The following ANKRD30BL variants were observed in gnomAD, a reference collection of about 807,000 sequenced individuals.
ANKRD30BL encodes ankyrin repeat domain 30B like, also known as putative ankyrin repeat domain-containing protein 30B-like.
In ANKRD30BL, 20 loss-of-function variants were observed where a neutral mutation model predicts 18.4. The ratio of observed to expected loss-of-function variants is 1.09; its 90% CI spans 0.77 to 1.58. The LOEUF (loss-of-function observed/expected upper bound fraction) is 1.58, where lower values mean the gene tolerates loss of function less well. Among genes scored for constraint, ANKRD30BL ranks in the 40% most tolerant of loss-of-function variants. The pLI, the probability that ANKRD30BL is intolerant of heterozygous loss-of-function variation, is 0.00. For missense variants in ANKRD30BL, 224 were observed against 268.6 expected, an observed-to-expected ratio of 0.83 and a Z score of 1.16; for synonymous variants, 72 against 100.9, an observed-to-expected ratio of 0.71 and a Z score of 1.72.
intron 1 of ANKRD30BL, among the ~76,000 whole-genome samples, chr2:132,224,778 A>C (rs1447153356): frequency 1.3e-5 from 2 of 152,080 alleles, no homozygotes; most frequent in Non-Finnish European, 2.9e-5. Flanking sequence ...GGATATTTTG[A>C]CCGCTTTGAG....
upstream of ANKRD30BL, among the ~76,000 whole-genome samples, chr2:132,163,948 TATAA>T (rs1688140241): frequency 6.6e-6 from 1 of 152,264 alleles, no homozygotes; most frequent in South Asian, 2.1e-4. Context: ...TACACATAAC[TATAA>T]ATATTTCTAA....
chr2:132,164,649 G>A (rs1325554252), upstream of ANKRD30BL, among the ~76,000 whole-genome samples: 4 of 152,064 alleles, frequency 2.6e-5, no homozygotes, highest in Admixed American at 2.6e-4. Context: ...GAGTGAAGTG[G>A]CTTTATACAT....
chr2:132,190,766 C>A (rs7602567), intron 1 of ANKRD30BL, among the ~76,000 whole-genome samples: 1 of 152,014 alleles, frequency 6.6e-6, no homozygotes, highest in Admixed American at 6.6e-5. Context: ...TTTTATGCAG[C>A]GAATTATGAT....
At chr2:132,215,344 G>A (rs193168017) in intron 1 of ANKRD30BL, among the ~76,000 whole-genome samples, 40 of 152,206 alleles carry the variant, frequency 2.6e-4, no homozygotes, top group Non-Finnish European at 5.1e-4. Flanking sequence ...AGGTGGAAAA[G>A]GATATATCTT....
chr2:132,150,492 T>C (rs1687730019), intron 5 of ANKRD30BL, among the ~76,000 whole-genome samples: 1 of 151,286 alleles, frequency 6.6e-6, no homozygotes, highest in African/African-American at 2.4e-5. Context: ...TATTAATTCA[T>C]TAAATTGGAT....
chr2:132,167,275 T>TTTTTATTTTA (rs71001175), intron 1 of ANKRD30BL, among the ~76,000 whole-genome samples: 4,934 of 111,156 alleles, frequency 0.044, 258 homozygotes, highest in Admixed American at 0.097. Flanking sequence ...CATTCATTTA[T>TTTTTATTTTA]TTTTATTTTA....
chr2:132,166,957 A>G (rs1688197615), intron 1 of ANKRD30BL, among the ~76,000 whole-genome samples: 1 of 151,812 alleles, frequency 6.6e-6, no homozygotes, highest in African/African-American at 2.4e-5. Flanking sequence ...GTTCTACTGT[A>G]TCTCATATAT....
chr2:132,198,622 C>G (rs1271825360), intron 1 of ANKRD30BL, among the ~76,000 whole-genome samples: 1 of 138,138 alleles, frequency 7.2e-6, no homozygotes, highest in Non-Finnish European at 1.6e-5. Flanking sequence ...AGCGCCCAGC[C>G]TTTTTTTTTT....
chr2:132,237,909 G>T (rs1680205882), intron 1 of ANKRD30BL, among the ~76,000 whole-genome samples: 1 of 151,750 alleles, frequency 6.6e-6, no homozygotes, highest in African/African-American at 2.4e-5. Flanking sequence ...TGCAGAGTCT[G>T]CAAGAAGATA....
intron 1 of ANKRD30BL, among the ~76,000 whole-genome samples, chr2:132,224,197 C>G (rs1679778418): frequency 1.3e-5 from 2 of 152,032 alleles, no homozygotes; most frequent in South Asian, 2.1e-4. Context: ...ATTCAACTCA[C>G]AGAGATGAAC....
At chr2:132,235,585 A>T (rs912251859) in intron 1 of ANKRD30BL, among the ~76,000 whole-genome samples, 1 of 152,156 alleles carries the variant, frequency 6.6e-6, no homozygotes, top group Middle Eastern at 3.2e-3. Context: ...ATTCCCATTC[A>T]CAATTGCTTC....
chr2:132,219,246 C>A (rs1302878326), intron 1 of ANKRD30BL, among the ~76,000 whole-genome samples: 1 of 151,978 alleles, frequency 6.6e-6, no homozygotes, highest in Non-Finnish European at 1.5e-5. Context: ...TTTTGAGACA[C>A]TCTTTTCACA....
At chr2:132,177,872 A>T (rs1170526857) in intron 1 of ANKRD30BL, among the ~76,000 whole-genome samples, 1 of 151,804 alleles carries the variant, frequency 6.6e-6, no homozygotes, top group Non-Finnish European at 1.5e-5. Flanking sequence ...TTTCATGGGA[A>T]TTTTTTTGTT....
At chr2:132,230,210 C>A (rs369557713) in intron 1 of ANKRD30BL, among the ~76,000 whole-genome samples, 3 of 151,782 alleles carry the variant, frequency 2.0e-5, no homozygotes, top group East Asian at 3.9e-4. Context: ...GTTGAATATA[C>A]GTTTTCATAG....
intron 1 of ANKRD30BL, among the ~76,000 whole-genome samples, chr2:132,237,175 A>G (rs1011578825): frequency 5.3e-5 from 8 of 152,172 alleles, no homozygotes; most frequent in African/African-American, 1.9e-4. Flanking sequence ...ACCTAATGCT[A>G]GAAGACGAGT....
At chr2:132,235,980 C>T (rs532214333) in intron 1 of ANKRD30BL, among the ~76,000 whole-genome samples, 18 of 152,092 alleles carry the variant, frequency 1.2e-4, no homozygotes, top group Middle Eastern at 3.4e-3. Flanking sequence ...GGTACTGGTA[C>T]CAAAACAGAG....
intron 1 of ANKRD30BL, among the ~76,000 whole-genome samples, chr2:132,175,324 A>G (rs1688344501): frequency 2.0e-5 from 3 of 152,066 alleles, no homozygotes; most frequent in African/African-American, 7.2e-5. Context: ...AAGGGGAGGT[A>G]CTATGCCTGG....
At position 132,228,203 on chromosome 2, in the gene ANKRD30BL, A is replaced by G. The variant is rs1679898374; in HGVS notation, n.441+29326T>C. Among the ~76,000 whole-genome samples, 3 of 152,068 alleles carry G rather than the reference A, an allele frequency of 2.0e-5. 1 individual carries two copies. The Admixed American group carries it at 2.0e-4, about 10-fold the overall frequency. On this transcript the variant is annotated intron_variant and non_coding_transcript_variant, in intron 1 of 4. Transcript: ENST00000470729. ...CAGTTTTGAATCTCTCTTTTTGTAG[A>G]ATCTGCAAGTTAACATTTGGAGCGC... is the stretch of plus-strand genomic sequence containing the variant.
chr2:132,208,631 A>C (rs1679256783), intron 1 of ANKRD30BL, among the ~76,000 whole-genome samples: 1 of 151,894 alleles, frequency 6.6e-6, no homozygotes, highest in Non-Finnish European at 1.5e-5. Flanking sequence ...TTTACCATTT[A>C]TTTAAGATAC....
Sources: gnomAD v4.1 joint callset for allele counts (sites outside exome capture counted in the v4.1 genomes callset) on GRCh38, gnomAD v4.1.1 for gene constraint, MANE v1.5 for transcripts, NCBI Gene and HGNC (gene_info 2026-07-23, HGNC 2026-07-21) for gene names.